Variants in SMAD7 observed in about 807,000 individuals in gnomAD.
SMAD7 encodes the protein MAD (mothers against decapentaplegic, Drosophila) homolog 7.
SMAD7 carries 8 observed loss-of-function variants against 38.7 expected under a neutral mutation model. The ratio of observed to expected loss-of-function variants is 0.21; its 90% CI spans 0.12 to 0.37. The LOEUF (loss-of-function observed/expected upper bound fraction) is 0.37. Among genes scored for constraint, SMAD7 ranks in the 10% least tolerant of loss-of-function variants. The probability of loss-of-function intolerance (pLI) is 1.00; values close to 1 mark genes in which losing one functional copy is unlikely to be tolerated. For missense variants in SMAD7, 477 were observed against 577.9 expected (o/e 0.83, Z 1.79); for synonymous variants, 327 against 265.1 (o/e 1.23, Z -2.27).
At position 48,920,041 on chromosome 18, in the gene SMAD7, C is replaced by T. The variant is rs1385609677; in HGVS notation, c.*1331G>A. Reference sequence around the variant, plus strand: ...TTATTTTTCTTGTTTATACACATTGCACAATACATAAATAATGATGCTTAT... The same window carrying T: ...TTATTTTTCTTGTTTATACACATTGTACAATACATAAATAATGATGCTTAT... On this transcript the variant is annotated 3_prime_UTR_variant, in exon 4 of 4. Coordinates refer to ENST00000262158, the MANE Select transcript of SMAD7 (RefSeq NM_005904.4). The T allele has an allele frequency of 6.6e-6, 1 of 152,434 alleles. No individual in the cohort carries two copies. Among genetic ancestry groups the T allele is most frequent in the Non-Finnish European group, 1.5e-5 (1 of 67,996 alleles). The allele number at this position is 152,434 out of a possible 1,614,324, so 9.4% of individuals were successfully genotyped here. A position where few individuals can be genotyped will look rare whatever the true frequency, so the allele number is the denominator to read the frequency against.
At chr18:48,928,815 A>C (rs993101689) in intron 3 of SMAD7, among the ~76,000 whole-genome samples, 2 of 152,298 alleles carry the variant, frequency 1.3e-5, no homozygotes, top group African/African-American at 4.8e-5. Context: ...CCTGGGGATG[A>C]ATGCTCCTAA....
chr18:48,936,593 G>C (rs1332182363), intron 3 of SMAD7, among the ~76,000 whole-genome samples: 2 of 152,228 alleles, frequency 1.3e-5, no homozygotes, highest in Non-Finnish European at 2.9e-5. Context: ...TATCTGGGAA[G>C]CTGAATCCCG....
At chr18:48,948,564 C>T in intron 1 of SMAD7, 127 bp from the exon 2 acceptor site, 1 of 607,834 alleles carries the variant, frequency 1.6e-6, no homozygotes, top group East Asian at 3.5e-5. Flanking sequence ...GGCAGGGCCG[C>T]GAGGCGGTGA....
intron 3 of SMAD7, 148 bp downstream of exon 3, chr18:48,942,333 C>T (rs1410402957): frequency 1.6e-6 from 1 of 636,544 alleles, no homozygotes; most frequent in East Asian, 2.6e-5. Flanking sequence ...ACCACAATGT[C>T]ACCACCGATG....
chr18:48,940,569 G>A (rs960608501), intron 3 of SMAD7, among the ~76,000 whole-genome samples: 1 of 152,064 alleles, frequency 6.6e-6, no homozygotes, highest in East Asian at 1.9e-4. Context: ...TGGCCAACAT[G>A]GCGAAACCCC....
intron 2 of SMAD7, among the ~76,000 whole-genome samples, chr18:48,947,892 ACCC>A (rs71165356): frequency 2.6e-5 from 3 of 113,282 alleles, no homozygotes; most frequent in South Asian, 3.2e-4. Flanking sequence ...GGAGGAACCT[ACCC>A]CCCCCCCCCT....
chr18:48,924,486 G>A (rs974841758), intron 3 of SMAD7, among the ~76,000 whole-genome samples: 28 of 152,306 alleles, frequency 1.8e-4, no homozygotes, highest in South Asian at 2.1e-4. Flanking sequence ...GTAGCAGGAC[G>A]GGGAAGTGTC....
intron 2 of SMAD7, among the ~76,000 whole-genome samples, chr18:48,945,354 C>T (rs904007559): frequency 1.3e-5 from 2 of 152,012 alleles, no homozygotes; most frequent in Non-Finnish European, 2.9e-5. Flanking sequence ...CCCAGCTGCT[C>T]GGGAGGCTGA....
chr18:48,930,733 C>G (rs2069990579), intron 3 of SMAD7, among the ~76,000 whole-genome samples: 1 of 152,106 alleles, frequency 6.6e-6, no homozygotes, highest in African/African-American at 2.4e-5. Flanking sequence ...ACATGAGGCA[C>G]AAGTCAAGGA....
chr18:48,945,377 G>A (rs762280180), intron 2 of SMAD7, among the ~76,000 whole-genome samples: 1 of 152,114 alleles, frequency 6.6e-6, no homozygotes, highest in Admixed American at 6.5e-5. Context: ...CAGGACAATG[G>A]TGTGAACCCA....
intron 3 of SMAD7, among the ~76,000 whole-genome samples, chr18:48,931,667 G>T (rs1400540077): frequency 6.6e-6 from 1 of 152,222 alleles, no homozygotes; most frequent in Non-Finnish European, 1.5e-5. Flanking sequence ...AAGAGACAAA[G>T]ATCACAGATC....
chr18:48,937,848 G>T (rs2070089325), intron 3 of SMAD7, among the ~76,000 whole-genome samples: 3 of 152,188 alleles, frequency 2.0e-5, no homozygotes, highest in Admixed American at 2.0e-4. Flanking sequence ...TGAGCATTTG[G>T]ATGAAAGGCC....
intron 3 of SMAD7, among the ~76,000 whole-genome samples, chr18:48,932,628 G>A (rs1308035922): frequency 2.6e-5 from 4 of 152,148 alleles, no homozygotes; most frequent in East Asian, 3.8e-4. Context: ...GAAGCCATCG[G>A]TTGGCCCCGG....
At chr18:48,943,095 A>C (rs1195644219) in intron 2 of SMAD7, among the ~76,000 whole-genome samples, 1 of 152,206 alleles carries the variant, frequency 6.6e-6, no homozygotes, top group Non-Finnish European at 1.5e-5. Context: ...CAAAATCCCA[A>C]GTAGACGCAA....
chr18:48,942,374 T>C, intron 3 of SMAD7, 107 bp downstream of exon 3: 1 of 727,236 alleles, frequency 1.4e-6, no homozygotes, highest in Non-Finnish European at 2.4e-6. Context: ...AAAATGAGAA[T>C]GAAGTCCAGA....
rs756260248 is a variant in SMAD7 at position 48,948,463 on chromosome 18, T to C, written c.614-26A>G. 2.6e-6 allele frequency: 4 copies of C among 1,513,370 alleles called. No homozygotes were observed. The South Asian group carries it at 4.7e-5, about 18-fold the overall frequency. The allele number at this position is 1,513,370 out of a possible 1,614,324, so 93.7% of individuals were successfully genotyped here. On this transcript the variant is annotated intron_variant, in intron 1 of 3. Coordinates refer to ENST00000262158, the MANE Select transcript of SMAD7 (RefSeq NM_005904.4). ...CTGAAATTAAAAAAGCAAGAGAAAATAAAGGCCCAGCCATGAGAAGAGAGA... is the reference window on the plus strand; with the variant it reads ...CTGAAATTAAAAAAGCAAGAGAAAACAAAGGCCCAGCCATGAGAAGAGAGA...
At chr18:48,925,973 C>T (rs180900354) in intron 3 of SMAD7, among the ~76,000 whole-genome samples, 93 of 152,336 alleles carry the variant, frequency 6.1e-4, no homozygotes, top group African/African-American at 2.1e-3. Context: ...GTCTCGATCT[C>T]CTGACCTCGT....
Position 48,942,564 on chromosome 18 carries a change from T to G in SMAD7, c.668-9A>C. 4 of 1,613,696 alleles carry G rather than the reference T, an allele frequency of 2.5e-6. No individual in the cohort carries two copies. The highest frequency in any genetic ancestry group is 3.4e-6 in the Non-Finnish European group (4 of 1,179,824). On this transcript the variant is annotated splice_polypyrimidine_tract_variant and intron_variant, in intron 2 of 3. Transcript: ENST00000262158. ...AGCATCTGGACAGTCTGCTGTGGAT[T>G]TGAAAAGGGGAGAGAAAGAAATAAA...
chr18:48,941,626 C>A (rs1171709459), intron 3 of SMAD7, among the ~76,000 whole-genome samples: 1 of 152,176 alleles, frequency 6.6e-6, no homozygotes, highest in South Asian at 2.1e-4. Context: ...TTTTTAAGGT[C>A]GTTTTCCCTC....
Sources: allele counts gnomAD v4.1 joint callset (sites outside exome capture counted in the v4.1 genomes callset), GRCh38; gene constraint gnomAD v4.1.1; transcripts MANE v1.5; gene names NCBI Gene and HGNC (gene_info 2026-07-23, HGNC 2026-07-21).